ODAD1: variants seen among roughly 807,000 people sequenced by gnomAD.
The protein encoded by ODAD1 is outer dynein arm docking complex subunit 1.
ODAD1 carries 49 observed loss-of-function variants against 67.2 expected under a neutral mutation model. The ratio of observed to expected loss-of-function variants is 0.73; its 90% CI spans 0.58 to 0.92. The LOEUF is 0.92. Among genes scored for constraint, ODAD1 ranks in the 40% least tolerant of loss-of-function variants. The probability of loss-of-function intolerance (pLI) is 0.00; values close to 1 mark genes in which losing one functional copy is unlikely to be tolerated. For missense variants in ODAD1, 897 were observed against 953.7 expected (o/e 0.94, Z 0.78); for synonymous variants, 345 against 393.7 (o/e 0.88, Z 1.46).
intron 10 of ODAD1, 169 bp from the exon 11 acceptor site, chr19:48,303,264 G>T (rs978793877): frequency 1.5e-6 from 1 of 647,740 alleles, no homozygotes; most frequent in Admixed American, 2.4e-5. Flanking sequence ...AGACAAAGAG[G>T]TGTGGGAAGA....
chr19:48,304,692 C>T (rs1968561340), intron 8 of ODAD1, among the ~76,000 whole-genome samples: 1 of 152,038 alleles, frequency 6.6e-6, no homozygotes, highest in African/African-American at 2.4e-5. Context: ...ACAAAACTCT[C>T]GGTGTGCTGC....
At chr19:48,316,484 C>A (rs1452545205) in intron 5 of ODAD1, among the ~76,000 whole-genome samples, 2 of 152,136 alleles carry the variant, frequency 1.3e-5, no homozygotes, top group Admixed American at 6.6e-5. Flanking sequence ...TCCTCTACAT[C>A]CTTCCCGCAA....
At chr19:48,311,433 C>T (rs1195510682) in intron 7 of ODAD1, 120 bp downstream of exon 7, 2 of 637,826 alleles carry the variant, frequency 3.1e-6, no homozygotes, top group African/African-American at 1.8e-5. Flanking sequence ...TAAAGCAAGC[C>T]TACCGCTCTA....
chr19:48,299,110 A>G (rs1378166878), intron 12 of ODAD1, among the ~76,000 whole-genome samples: 1 of 152,240 alleles, frequency 6.6e-6, no homozygotes. Flanking sequence ...GGTGGAGCTG[A>G]GATTCAAACC....
At chr19:48,319,313 T>A in intron 3 of ODAD1, 1 of 353,264 alleles carries the variant, frequency 2.8e-6, no homozygotes, top group Non-Finnish European at 4.0e-6. Flanking sequence ...CAGCCAACCC[T>A]ACCCCACCCA....
At chr19:48,306,150 G>T in intron 8 of ODAD1, 106 bp downstream of exon 8, 6 of 1,492,108 alleles carry the variant, frequency 4.0e-6, no homozygotes, top group Non-Finnish European at 5.4e-6. Context: ...GAAAAAATAG[G>T]TTCTGACGTG....
chr19:48,312,631 G>C (rs191737759), intron 5 of ODAD1, among the ~76,000 whole-genome samples: 13 of 152,118 alleles, frequency 8.5e-5, no homozygotes, highest in Admixed American at 8.5e-4. Flanking sequence ...TGGCCAGGCT[G>C]ATCTTGAACT....
At chr19:48,317,681 ATTT>A (rs534720024) in intron 5 of ODAD1, among the ~76,000 whole-genome samples, 1 of 144,274 alleles carries the variant, frequency 6.9e-6, no homozygotes, top group Non-Finnish European at 1.5e-5. Flanking sequence ...AATAGCCCCG[ATTT>A]TTTTTTTTTT....
At chr19:48,303,490 A>G in intron 10 of ODAD1, 160 bp downstream of exon 10, 1 of 811,098 alleles carries the variant, frequency 1.2e-6, no homozygotes, top group Non-Finnish European at 1.9e-6. Flanking sequence ...GGGCCACGGT[A>G]AGACGCCAGT....
intron 5 of ODAD1, among the ~76,000 whole-genome samples, chr19:48,316,574 G>C (rs117182861): frequency 6.6e-6 from 1 of 152,172 alleles, no homozygotes; most frequent in African/African-American, 2.4e-5. Context: ...TATCAGATAC[G>C]TGCTTTGCAG....
chr19:48,308,527 CAG>C (rs1968677048), intron 7 of ODAD1, among the ~76,000 whole-genome samples: 1 of 152,178 alleles, frequency 6.6e-6, no homozygotes, highest in African/African-American at 2.4e-5. Context: ...GGAGAAATGA[CAG>C]AGTCTTTTAA....
intron 10 of ODAD1, chr19:48,303,364 G>C (rs867020170): frequency 1.6e-5 from 10 of 607,742 alleles, no homozygotes; most frequent in African/African-American, 1.5e-4. Context: ...AGATGCAGGC[G>C]GGGAGAACGG....
At chr19:48,321,458 G>A (rs894644687) in intron 1 of ODAD1, 1 of 203,292 alleles carries the variant, frequency 4.9e-6, no homozygotes. Flanking sequence ...GCCGGCGAGG[G>A]GAGGGGCACG....
Position 48,297,015 on chromosome 19 carries a change from A to G in ODAD1, c.2085T>C (p.Thr695=), listed in dbSNP as rs375372330. 1.9e-6 allele frequency: 3 copies of G among 1,610,550 alleles called. No homozygotes were observed. The highest frequency in any genetic ancestry group is 1.7e-6 in the Non-Finnish European group (2 of 1,179,310). ...HVSSTGPASS[T]GPGSSTSKDS... ...CTTTGCTGGTGGAGGAGCCCGGGCC[A>G]GTGCTGGAGGCAGGGCCGGTGCTGG... The change falls in exon 16 of 16, where the codon ACT becomes ACC. Residue 695 remains threonine (T), a synonymous_variant. Coordinates refer to ENST00000674294, the MANE Select transcript of ODAD1 (RefSeq NM_001364171.2).
chr19:48,315,646 C>T (rs557383402), intron 5 of ODAD1, among the ~76,000 whole-genome samples: 1 of 152,250 alleles, frequency 6.6e-6, no homozygotes, highest in Non-Finnish European at 1.5e-5. Flanking sequence ...ATTTCCTCAC[C>T]TCATCCTCTT....
At chr19:48,310,766 A>T (rs1354117278) in intron 7 of ODAD1, among the ~76,000 whole-genome samples, 1 of 152,192 alleles carries the variant, frequency 6.6e-6, no homozygotes, top group Non-Finnish European at 1.5e-5. Context: ...TTTTTCTGTA[A>T]TTTGAAATTA....
rs111428466 is a variant in ODAD1 at position 48,307,586 on chromosome 19, T to C, written c.598-1263A>G. On this transcript the variant is annotated intron_variant, in intron 7 of 15. Coordinates refer to ENST00000674294, the MANE Select transcript of ODAD1 (RefSeq NM_001364171.2). ...ATCCCAGCACTGTGGGAGGCCGAGG[T>C]GGGCGGATCACGAGGTCAGGAGATC... 8.6e-5 allele frequency among the ~76,000 whole-genome samples: 13 copies of C among 152,024 alleles called. No homozygotes were observed. In the South Asian group the frequency reaches 1.7e-3, roughly 20 times the overall value.
chr19:48,303,134 G>C (rs1968514785), intron 10 of ODAD1, 39 bp from the exon 11 acceptor site: 7 of 1,454,120 alleles, frequency 4.8e-6, no homozygotes, highest in Non-Finnish European at 4.8e-6. Flanking sequence ...GAGAGAGGGA[G>C]ACAGAGAAAC....
intron 7 of ODAD1, among the ~76,000 whole-genome samples, chr19:48,308,224 G>C (rs1968667992): frequency 2.0e-5 from 3 of 151,674 alleles, no homozygotes; most frequent in Non-Finnish European, 2.9e-5. Flanking sequence ...GCCCAGGCTG[G>C]AGTGCAATGG....
Sources: gnomAD v4.1 joint callset for allele counts (sites outside exome capture counted in the v4.1 genomes callset) on GRCh38, gnomAD v4.1.1 for gene constraint, MANE v1.5 for transcripts, NCBI Gene and HGNC (gene_info 2026-07-23, HGNC 2026-07-21) for gene names.